PALLD: variants seen among roughly 807,000 people sequenced by gnomAD.
PALLD encodes the protein palladin.
In PALLD, 61 loss-of-function variants were observed where a neutral mutation model predicts 123.5. That is an observed-to-expected ratio of 0.49 (90% CI 0.40 to 0.61). PALLD has a LOEUF of 0.61. Ranked by LOEUF, PALLD falls within the 20% of genes least tolerant of loss-of-function variation. The pLI, the probability that PALLD is intolerant of heterozygous loss-of-function variation, is 0.00. For missense variants in PALLD, 1,273 were observed against 1,377.0 expected (o/e 0.92, Z 1.20); for synonymous variants, 465 against 496.4 (o/e 0.94, Z 0.84).
intron 8 of PALLD, among the ~76,000 whole-genome samples, chr4:168,704,582 T>A (rs1784040485): frequency 6.9e-6 from 1 of 145,716 alleles, no homozygotes; most frequent in African/African-American, 2.5e-5. Context: ...GAGAATGGCA[T>A]GAACCCGGGA....
In PALLD at chr4:168,928,328, A is replaced by T. The variant is rs1447133658; in HGVS notation, c.*2148A>T. The T allele has an allele frequency of 1.1e-4, 5 of 47,432 alleles. No individual in the cohort carries two copies. The highest frequency in any genetic ancestry group is 2.2e-3 in the South Asian group (1 of 456). The allele number at this position is 47,432 out of a possible 1,614,324, so 2.9% of individuals were successfully genotyped here. A position where few individuals can be genotyped will look rare whatever the true frequency, so the allele number is the denominator to read the frequency against. On this transcript the variant is annotated 3_prime_UTR_variant, in exon 22 of 22. Coordinates refer to ENST00000505667, the MANE Select transcript of PALLD (RefSeq NM_001166108.2). ...TTGCCACCTTTATATTGTATTTATA[A>T]AAAAAAAAGTACTATCAATCAATCA...
At chr4:168,702,875 T>TTTAA (rs1783811583) in intron 8 of PALLD, among the ~76,000 whole-genome samples, 1 of 141,304 alleles carries the variant, frequency 7.1e-6, no homozygotes, top group African/African-American at 2.8e-5. Context: ...TTGTTTTTAT[T>TTTAA]TTATTTATTT....
At chr4:168,915,830 G>A in intron 16 of PALLD, 65 bp from the exon 17 acceptor site, 1 of 1,262,452 alleles carries the variant, frequency 7.9e-7, no homozygotes, top group Non-Finnish European at 1.2e-6. Flanking sequence ...GAAAACAGAT[G>A]ACTAAAAGTC....
chr4:168,884,387 G>T (rs974824774), intron 10 of PALLD, among the ~76,000 whole-genome samples: 5 of 152,126 alleles, frequency 3.3e-5, no homozygotes, highest in African/African-American at 4.8e-5. Context: ...TGCCAGGCTG[G>T]TTCTGGTCAC....
At chr4:168,616,245 T>C (rs945376825) in intron 2 of PALLD, among the ~76,000 whole-genome samples, 1 of 152,260 alleles carries the variant, frequency 6.6e-6, no homozygotes, top group African/African-American at 2.4e-5. Context: ...AATGGCTGCA[T>C]GCATCTTTGG....
At chr4:168,851,812 C>A (rs1747835661) in intron 10 of PALLD, among the ~76,000 whole-genome samples, 2 of 152,148 alleles carry the variant, frequency 1.3e-5, no homozygotes, top group African/African-American at 4.8e-5. Context: ...AAATACTATC[C>A]CTGTCTGCCA....
chr4:168,762,892 G>A (rs968827537), intron 10 of PALLD, among the ~76,000 whole-genome samples: 1 of 152,114 alleles, frequency 6.6e-6, no homozygotes, highest in Admixed American at 6.5e-5. Flanking sequence ...GGATGAAGCT[G>A]GAAACCATTA....
intron 2 of PALLD, among the ~76,000 whole-genome samples, chr4:168,646,233 G>T (rs1355018693): frequency 6.6e-6 from 1 of 152,154 alleles, no homozygotes; most frequent in Non-Finnish European, 1.5e-5. Context: ...CCCATATCTC[G>T]TGCCCAAATA....
chr4:168,824,900 C>T (rs535679760), intron 10 of PALLD, among the ~76,000 whole-genome samples: 19 of 146,214 alleles, frequency 1.3e-4, no homozygotes, highest in Non-Finnish European at 2.2e-4. Context: ...TGGCTCACTG[C>T]AACCTCCACC....
chr4:168,672,694 G>A (rs527927341), intron 3 of PALLD, among the ~76,000 whole-genome samples: 5 of 152,186 alleles, frequency 3.3e-5, no homozygotes, highest in African/African-American at 7.2e-5. Context: ...TCCTGACCTC[G>A]TCATCCACCC....
chr4:168,556,635 T>C (rs1366289316), intron 2 of PALLD, among the ~76,000 whole-genome samples: 2 of 152,218 alleles, frequency 1.3e-5, no homozygotes, highest in Non-Finnish European at 2.9e-5. Context: ...ACTCTTACCC[T>C]GTGTTATTTT....
chr4:168,845,016 G>A (rs1746607727), intron 10 of PALLD, among the ~76,000 whole-genome samples: 2 of 151,528 alleles, frequency 1.3e-5, no homozygotes, highest in South Asian at 4.2e-4. Flanking sequence ...ACCAAGAGCT[G>A]AGAGTGGAGA....
chr4:168,657,854 G>A (rs983309479), intron 2 of PALLD, among the ~76,000 whole-genome samples: 5 of 152,136 alleles, frequency 3.3e-5, no homozygotes, highest in East Asian at 3.8e-4. Flanking sequence ...TTCCCAAAAC[G>A]TCACACCTGG....
chr4:168,888,302 CAGTT>C (rs1753654049), intron 10 of PALLD, among the ~76,000 whole-genome samples: 1 of 152,156 alleles, frequency 6.6e-6, no homozygotes, highest in Non-Finnish European at 1.5e-5. Flanking sequence ...AGGTTTTAAT[CAGTT>C]AGCATATTTT....
At chr4:168,778,494 A>G (rs55755918) in intron 10 of PALLD, among the ~76,000 whole-genome samples, 4,412 of 152,264 alleles carry the variant, frequency 0.029, 163 homozygotes, top group African/African-American at 0.091. Context: ...GTGTCGTACT[A>G]TGGCGCGTAA....
At chr4:168,615,522 G>A (rs1371839840) in intron 2 of PALLD, among the ~76,000 whole-genome samples, 1 of 152,096 alleles carries the variant, frequency 6.6e-6, no homozygotes, top group Non-Finnish European at 1.5e-5. Flanking sequence ...CATTTCAACG[G>A]GGCACAAAGA....
At chr4:168,503,788 T>C (rs765403364) in intron 1 of PALLD, among the ~76,000 whole-genome samples, 2 of 152,138 alleles carry the variant, frequency 1.3e-5, no homozygotes, top group Non-Finnish European at 2.9e-5. Context: ...TGAGTGCATG[T>C]GTGTTGGTGA....
At chr4:168,884,709 A>G (rs553692804) in intron 10 of PALLD, among the ~76,000 whole-genome samples, 1 of 152,364 alleles carries the variant, frequency 6.6e-6, no homozygotes, top group South Asian at 2.1e-4. Flanking sequence ...GGCAATCAGT[A>G]AGGGTTATTT....
chr4:168,914,148 C>G (rs1306627239), intron 16 of PALLD, 127 bp downstream of exon 16: 8 of 708,182 alleles, frequency 1.1e-5, no homozygotes, highest in South Asian at 3.2e-5. Context: ...GAATGCAAAC[C>G]TGAAGCCTGT....
Sources: allele counts gnomAD v4.1 joint callset (sites outside exome capture counted in the v4.1 genomes callset), GRCh38; gene constraint gnomAD v4.1.1; transcripts MANE v1.5; gene names NCBI Gene and HGNC (gene_info 2026-07-23, HGNC 2026-07-21).